The following BIRC6 variants were observed in gnomAD, a reference collection of about 807,000 sequenced individuals.
The protein encoded by BIRC6 is dual E2 ubiquitin-conjugating enzyme/E3 ubiquitin-protein ligase BIRC6.
BIRC6 carries 98 observed loss-of-function variants against 503.3 expected under a neutral mutation model. The observed-to-expected ratio is 0.19, with a 90% CI of 0.17 to 0.23. The LOEUF is 0.23. Among genes scored for constraint, BIRC6 ranks in the 10% least tolerant of loss-of-function variants. The pLI, the probability that BIRC6 is intolerant of heterozygous loss-of-function variation, is 1.00. For synonymous variants in BIRC6, 2,240 were observed against 2,078.7 expected, an observed-to-expected ratio of 1.08 and a Z score of -2.11; for missense variants, 5,360 against 5,806.0, an observed-to-expected ratio of 0.92 and a Z score of 2.50.
In BIRC6 at chr2:32,439,533, G is replaced by C; in HGVS notation, c.3657G>C (p.Ser1219=). The change falls in exon 16 of 74, where the codon TCG becomes TCC. Residue 1219 remains serine, a synonymous_variant. Transcript: ENST00000421745. ...VKGMAGGKYR[S]FLIHVKAVNE... is the part of the protein sequence containing the mutation. Reference sequence around the variant, plus strand: ...GTATGGCAGGAGGAAAATATCGTTCGTTTTTAATCCATGTCAAGGCAGTGA... The same window carrying C: ...GTATGGCAGGAGGAAAATATCGTTCCTTTTTAATCCATGTCAAGGCAGTGA... 1.9e-6 allele frequency: 3 copies of C among 1,613,552 alleles called. No homozygotes were observed. Among genetic ancestry groups the C allele is most frequent in the Non-Finnish European group, 2.5e-6 (3 of 1,179,734 alleles).
At chr2:32,514,822 G>A (rs1299674096) in intron 54 of BIRC6, among the ~76,000 whole-genome samples, 168 bp from the exon 55 acceptor site, 1 of 151,800 alleles carries the variant, frequency 6.6e-6, no homozygotes, top group Admixed American at 6.6e-5. Context: ...ATATATATGT[G>A]TGTCTATATA....
chr2:32,497,767 TTTC>T (rs2052645836), intron 45 of BIRC6, among the ~76,000 whole-genome samples: 1 of 152,166 alleles, frequency 6.6e-6, no homozygotes, highest in Admixed American at 6.5e-5. Flanking sequence ...TTATAGATTA[TTTC>T]TTCTTTTCTA....
chr2:32,484,128 C>T (rs1371486146), intron 39 of BIRC6, among the ~76,000 whole-genome samples: 1 of 152,164 alleles, frequency 6.6e-6, no homozygotes, highest in Non-Finnish European at 1.5e-5. Flanking sequence ...CCGCCCTCCT[C>T]AGCCTTCCAA....
chr2:32,460,469 G>A (rs559595043), intron 23 of BIRC6, among the ~76,000 whole-genome samples: 3 of 150,624 alleles, frequency 2.0e-5, no homozygotes, highest in Admixed American at 1.3e-4. Flanking sequence ...TAGAGACGGG[G>A]TTTTGCCATG....
chr2:32,357,401 C>T lies in BIRC6; in HGVS notation c.240C>T (p.Asn80=), dbSNP rs1171924004. 4 of 1,549,336 alleles carry T rather than the reference C, an allele frequency of 2.6e-6. No individual in the cohort carries two copies. The African/African-American group carries it at 4.1e-5, about 16-fold the overall frequency. The change falls in exon 1 of 74, where the codon AAC becomes AAT. Residue 80 remains asparagine (N), a synonymous_variant. Transcript: ENST00000421745. The surrounding 1 kb of genome is among the most constrained non-coding windows in gnomAD (Gnocchi z 4.9). ...LHSLSYHPAL[N]AILAVTSRGT... is the part of the protein sequence containing the mutation. ...GCCTGTCCTACCACCCTGCGCTCAA[C>T]GCCATCCTGGCCGTCACTAGCCGCG...
rs2059258441 is a variant in BIRC6 at position 32,562,431 on chromosome 2, A to AC, written c.13145-12724dup. Among the ~76,000 whole-genome samples, 3 of 152,218 alleles carry AC rather than the reference A, an allele frequency of 2.0e-5. No individual in the cohort carries two copies. In the South Asian group the frequency reaches 6.2e-4, roughly 32 times the overall value. ...TTAGTGTAGTACATATAATTGATGA[A>AC]CTAATAGTGGTATGTTATTTTTAAC... On this transcript the variant is annotated intron_variant, in intron 65 of 73. Coordinates refer to ENST00000421745, the MANE Select transcript of BIRC6 (RefSeq NM_016252.4).
chr2:32,375,695 G>T (rs1049205353), intron 1 of BIRC6, among the ~76,000 whole-genome samples: 3 of 150,902 alleles, frequency 2.0e-5, no homozygotes, highest in African/African-American at 7.3e-5. Context: ...TACATTTACC[G>T]TATTGATAAG....
chr2:32,543,102 A>G, intron 61 of BIRC6, 139 bp from the exon 62 acceptor site: 1 of 1,011,082 alleles, frequency 9.9e-7, no homozygotes, highest in South Asian at 1.8e-5. Flanking sequence ...GCCCGGCTGG[A>G]AGCTTGTTTT....
intron 65 of BIRC6, among the ~76,000 whole-genome samples, chr2:32,561,796 C>T (rs566795700): frequency 6.9e-4 from 104 of 151,032 alleles, no homozygotes; most frequent in African/African-American, 2.3e-3. Context: ...ATAATCCCAG[C>T]GCTTTGGGAG....
intron 9 of BIRC6, among the ~76,000 whole-genome samples, chr2:32,414,244 T>C (rs1373251579): frequency 6.6e-6 from 1 of 152,118 alleles, no homozygotes; most frequent in Non-Finnish European, 1.5e-5. Flanking sequence ...ACCATTGCAC[T>C]CCAGCCTAGG....
chr2:32,464,338 A>G (rs1208108291), intron 24 of BIRC6, among the ~76,000 whole-genome samples, 171 bp from the exon 25 acceptor site: 1 of 152,248 alleles, frequency 6.6e-6, no homozygotes, highest in Non-Finnish European at 1.5e-5. Context: ...TTTAAAGTGT[A>G]TATAGCAAAG....
rs1257464092 is a variant in BIRC6, at chr2:32,549,402, C to G, written c.13065C>G (p.Ala4355=). 1.3e-6 allele frequency: 2 copies of G among 1,522,430 alleles called. No homozygotes were observed. Among genetic ancestry groups the G allele is most frequent in the East Asian group, 4.6e-5 (2 of 43,484 alleles). 94.3% of individuals were successfully genotyped at this position (1,522,430 alleles called of 1,614,324 possible). The stretch of plus-strand genomic sequence containing the variant: ...AGACTAGAGGGCAGAACAGTAATGC[C>G]CTTCCTTCTGTACTTCTCGAGCTTC... ...SHETRGQNSN[A]LPSVLLELLS... Residue 4355 remains alanine, a synonymous_variant, in exon 65 of 74, where the codon GCC becomes GCG. Coordinates refer to ENST00000421745, the MANE Select transcript of BIRC6 (RefSeq NM_016252.4).
intron 66 of BIRC6, among the ~76,000 whole-genome samples, chr2:32,581,929 C>A (rs957013744): frequency 2.0e-5 from 3 of 152,140 alleles, no homozygotes; most frequent in African/African-American, 7.2e-5. Flanking sequence ...GTGGTGCGAT[C>A]TTGGCTCACT....
intron 24 of BIRC6, among the ~76,000 whole-genome samples, chr2:32,464,129 A>G (rs1160069081): frequency 1.3e-5 from 2 of 152,218 alleles, no homozygotes; most frequent in Admixed American, 6.5e-5. Flanking sequence ...AAAAAGGTTG[A>G]GGACCGCTGG....
At chr2:32,577,642 A>C in intron 66 of BIRC6, among the ~76,000 whole-genome samples, 1 of 152,324 alleles carries the variant, frequency 6.6e-6, no homozygotes, top group African/African-American at 2.4e-5. Context: ...TTGGACACCT[A>C]TAGTGCCTCT....
chr2:32,378,704 G>T (rs978570350), intron 2 of BIRC6, among the ~76,000 whole-genome samples: 2 of 152,084 alleles, frequency 1.3e-5, no homozygotes, highest in Admixed American at 6.6e-5. Flanking sequence ...TGATCCGCCC[G>T]CCTCAGCCTC....
intron 72 of BIRC6, 57 bp from the exon 73 acceptor site, chr2:32,611,389 CTG>C: frequency 1.4e-6 from 2 of 1,437,694 alleles, no homozygotes; most frequent in South Asian, 1.5e-5. Context: ...ATGTCATTTA[CTG>C]TGTCTTTTAA....
chr2:32,459,261 G>C (rs1459721326), intron 23 of BIRC6, among the ~76,000 whole-genome samples: 2 of 152,014 alleles, frequency 1.3e-5, no homozygotes, highest in African/African-American at 4.8e-5. Flanking sequence ...CATTTAGCCT[G>C]TATCAGTACA....
At chr2:32,377,218 T>G (rs2036932640) in intron 1 of BIRC6, among the ~76,000 whole-genome samples, 1 of 137,160 alleles carries the variant, frequency 7.3e-6, no homozygotes, top group Admixed American at 7.1e-5. Flanking sequence ...TATATATGTG[T>G]GTGTGTGTGT....
Sources: allele counts gnomAD v4.1 joint callset (sites outside exome capture counted in the v4.1 genomes callset), GRCh38; gene constraint gnomAD v4.1.1; non-coding constraint Gnocchi (gnomAD v3.1); transcripts MANE v1.5; gene names NCBI Gene and HGNC (gene_info 2026-07-23, HGNC 2026-07-21).